Variants in SCIN observed in about 807,000 individuals in gnomAD.
SCIN encodes adseverin.
Under a neutral mutation model 91.8 loss-of-function variants are expected in SCIN, and 91 were observed. The observed-to-expected ratio is 0.99, with a 90% CI of 0.84 to 1.18. The LOEUF (loss-of-function observed/expected upper bound fraction) is 1.18, where lower values mean the gene tolerates loss of function less well. Ranked by LOEUF, SCIN falls within the 50% of genes most tolerant of loss-of-function variation. The probability of loss-of-function intolerance (pLI) is 0.00; values close to 1 mark genes in which losing one functional copy is unlikely to be tolerated. For synonymous variants in SCIN, 367 were observed against 312.6 expected, an observed-to-expected ratio of 1.17 and a Z score of -1.84; for missense variants, 1,087 against 863.9, an observed-to-expected ratio of 1.26 and a Z score of -3.24.
At chr7:12,633,784 T>C (rs1783693120) in intron 9 of SCIN, among the ~76,000 whole-genome samples, 1 of 152,192 alleles carries the variant, frequency 6.6e-6, no homozygotes, top group Non-Finnish European at 1.5e-5. Context: ...GACCCTGCGG[T>C]GGCCCATCAT....
At chr7:12,598,930 A>G (rs373931840) in intron 3 of SCIN, among the ~76,000 whole-genome samples, 1 of 151,140 alleles carries the variant, frequency 6.6e-6, no homozygotes. Flanking sequence ...AGAGAGAAAG[A>G]AAAAAAAACA....
chr7:12,627,158 A>G (rs570625220), intron 8 of SCIN, among the ~76,000 whole-genome samples: 176 of 152,162 alleles, frequency 1.2e-3, no homozygotes, highest in African/African-American at 3.9e-3. Context: ...ATATATACAT[A>G]TATATTTATA....
chr7:12,630,151 C>G (rs1783612544), intron 9 of SCIN, among the ~76,000 whole-genome samples: 2 of 151,952 alleles, frequency 1.3e-5, no homozygotes, highest in Non-Finnish European at 1.5e-5. Context: ...CCGAGACAGT[C>G]ACATGCATCC....
chr7:12,590,820 G>C (rs1325716220), intron 3 of SCIN, among the ~76,000 whole-genome samples: 1 of 152,146 alleles, frequency 6.6e-6, no homozygotes, highest in Non-Finnish European at 1.5e-5. Flanking sequence ...AGTGATAGGG[G>C]TTCCTTTGGC....
intron 8 of SCIN, among the ~76,000 whole-genome samples, chr7:12,628,571 C>A (rs1783577401): frequency 6.6e-6 from 1 of 152,168 alleles, no homozygotes; most frequent in African/African-American, 2.4e-5. Flanking sequence ...CCTCCTAATA[C>A]CATCACACTG....
chr7:12,577,065 G>A (rs560650473), intron 1 of SCIN, among the ~76,000 whole-genome samples: 43 of 152,234 alleles, frequency 2.8e-4, no homozygotes, highest in African/African-American at 1.0e-3. Context: ...CCTTAGTGAA[G>A]TTACCTGGAT....
Position 12,656,329 on chromosome 7 carries a change from GTAGA to G in SCIN, c.*3617_*3620del, listed in dbSNP as rs1172023009. ...ACAAGCCCTTCTGCTGAAAAAGTAG[GTAGA>G]TAATTACTTTGAACTGAAAGAAAAC... On this transcript the variant is annotated 3_prime_UTR_variant, in exon 16 of 16. Transcript: ENST00000297029. 1 of 152,102 alleles carries G rather than the reference GTAGA, an allele frequency of 6.6e-6. No homozygotes were observed. The highest frequency in any genetic ancestry group is 6.5e-5 in the Admixed American group (1 of 15,290). The allele number at this position is 152,102 out of a possible 1,614,324, so 9.4% of individuals were successfully genotyped here.
At position 12,655,696 on chromosome 7, in the gene SCIN, C is replaced by T. The variant is rs1055207994; in HGVS notation, c.*2981C>T. 6.6e-6 allele frequency: 1 copy of T among 152,166 alleles called. No homozygotes were observed. The highest frequency in any genetic ancestry group is 1.5e-5 in the Non-Finnish European group (1 of 68,016). 9.4% of individuals were successfully genotyped at this position (152,166 alleles called of 1,614,324 possible). A position where few individuals can be genotyped will look rare whatever the true frequency, so the allele number is the denominator to read the frequency against. On this transcript the variant is annotated 3_prime_UTR_variant, in exon 16 of 16. Transcript: ENST00000297029. ...CTTTTTGATCCATAGCACAGTATTA[C>T]TTTTGTAAACATACACAAAAAATAT...
intron 4 of SCIN, among the ~76,000 whole-genome samples, chr7:12,609,139 G>C (rs1457051571): frequency 6.6e-6 from 1 of 152,116 alleles, no homozygotes; most frequent in African/African-American, 2.4e-5. Flanking sequence ...AGAGTAAAAG[G>C]GGGCACTGAG....
intron 3 of SCIN, among the ~76,000 whole-genome samples, chr7:12,600,655 G>T (rs576438165): frequency 6.6e-6 from 1 of 152,282 alleles, no homozygotes; most frequent in East Asian, 1.9e-4. Context: ...GAGTTGCACT[G>T]GATAATTAGA....
intron 1 of SCIN, 169 bp downstream of exon 1, chr7:12,571,154 C>A: frequency 1.4e-6 from 1 of 718,176 alleles, no homozygotes; most frequent in Non-Finnish European, 2.2e-6. Context: ...CTACCGAAGT[C>A]AACTCGCCGG....
intron 5 of SCIN, among the ~76,000 whole-genome samples, 178 bp downstream of exon 5, chr7:12,623,071 C>T (rs1165527475): frequency 6.6e-6 from 1 of 151,984 alleles, no homozygotes; most frequent in East Asian, 1.9e-4. Context: ...AGTTTTAATA[C>T]TTTTTGTTAT....
chr7:12,573,880 G>A (rs923123137), intron 1 of SCIN, among the ~76,000 whole-genome samples: 4 of 152,102 alleles, frequency 2.6e-5, no homozygotes, highest in South Asian at 2.1e-4. Context: ...TACAATATAC[G>A]ATACAAAGAA....
At chr7:12,575,962 A>G (rs906317261) in intron 1 of SCIN, among the ~76,000 whole-genome samples, 2 of 152,148 alleles carry the variant, frequency 1.3e-5, no homozygotes, top group South Asian at 2.1e-4. Flanking sequence ...GGCCAACCAC[A>G]TTACATAAGC....
intron 3 of SCIN, chr7:12,595,793 T>C (rs985020273): frequency 6.6e-6 from 1 of 152,210 alleles, no homozygotes; most frequent in African/African-American, 2.4e-5. Context: ...CAGGATACCA[T>C]AACATAAGGT....
chr7:12,608,561 T>C (rs1294594656), intron 4 of SCIN, among the ~76,000 whole-genome samples: 3 of 152,146 alleles, frequency 2.0e-5, no homozygotes, highest in African/African-American at 4.8e-5. Flanking sequence ...CACTGCAGCC[T>C]CTGCCTTCTG....
intron 3 of SCIN, among the ~76,000 whole-genome samples, chr7:12,586,223 A>G (rs1201480701): frequency 4.6e-5 from 7 of 152,204 alleles, no homozygotes; most frequent in African/African-American, 1.7e-4. Context: ...TAATTCATTT[A>G]TAACTCAACT....
chr7:12,631,869 T>C (rs1032017526), intron 9 of SCIN, among the ~76,000 whole-genome samples: 4 of 152,224 alleles, frequency 2.6e-5, no homozygotes, highest in Middle Eastern at 3.4e-3. Context: ...AATAGAGAAG[T>C]TGATCCAAGA....
At position 12,651,877 on chromosome 7, in the gene SCIN, G is replaced by T; in HGVS notation, c.1996G>T (p.Glu666Ter). 6.2e-7 allele frequency: 1 copy of T among 1,602,896 alleles called. No individual in the cohort carries two copies. Among genetic ancestry groups the T allele is most frequent in the South Asian group, 1.1e-5 (1 of 89,320 alleles). ...IWIGKDANEV[E>*]KKESLKSAKM... ...GATTGGCAAAGATGCTAATGAAGTT[G>T]AGAAAAAAGAATCTCTGAAGTCTGG... Residue 666 changes from glutamate to a stop codon, truncating the protein, a stop_gained, in exon 15 of 16, where the codon GAG becomes TAG. Transcript: ENST00000297029. LOFTEE classifies it high-confidence loss of function. The surrounding 1 kb of genome is among the most constrained non-coding windows in gnomAD (Gnocchi z 5.9).
Sources: allele counts gnomAD v4.1 joint callset (sites outside exome capture counted in the v4.1 genomes callset), GRCh38; gene constraint gnomAD v4.1.1; non-coding constraint Gnocchi (gnomAD v3.1); transcripts MANE v1.5; gene names NCBI Gene and HGNC (gene_info 2026-07-23, HGNC 2026-07-21).